Variants in PDE10A observed in about 807,000 individuals in gnomAD.
PDE10A encodes cAMP and cAMP-inhibited cGMP 3',5'-cyclic phosphodiesterase 10A.
A neutral mutation model predicts 97.7 loss-of-function variants in PDE10A; 39 were observed. The ratio of observed to expected loss-of-function variants is 0.40; its 90% CI spans 0.31 to 0.52. The LOEUF is 0.52. Among genes scored for constraint, PDE10A ranks in the 20% least tolerant of loss-of-function variants. The pLI, the probability that PDE10A is intolerant of heterozygous loss-of-function variation, is 0.56. For missense variants in PDE10A, 731 were observed against 1,047.8 expected (o/e 0.70, Z 4.17); for synonymous variants, 371 against 376.8 (o/e 0.98, Z 0.18).
chr6:165,635,229 C>A (rs140811036), intron 1 of PDE10A, among the ~76,000 whole-genome samples: 1 of 152,076 alleles, frequency 6.6e-6, no homozygotes, highest in African/African-American at 2.4e-5. Context: ...GATGATCAGG[C>A]AAGTATGATC....
chr6:165,933,240 AAGG>A (rs1783199041), intron 1 of PDE10A, among the ~76,000 whole-genome samples: 2 of 152,150 alleles, frequency 1.3e-5, no homozygotes, highest in African/African-American at 2.4e-5. Context: ...GGCACCAGGC[AAGG>A]AGGAGAAGGT....
intron 18 of PDE10A, among the ~76,000 whole-genome samples, chr6:165,347,801 C>T (rs2029873060): frequency 1.3e-5 from 2 of 152,176 alleles, no homozygotes; most frequent in African/African-American, 4.8e-5. Flanking sequence ...CTGGAGGCTG[C>T]TGCCACATTT....
At chr6:165,514,644 T>C (rs955800769) in intron 2 of PDE10A, among the ~76,000 whole-genome samples, 8 of 152,218 alleles carry the variant, frequency 5.3e-5, no homozygotes, top group Non-Finnish European at 1.0e-4. Context: ...CGCTAGGTGC[T>C]GGCCCCCGAA....
chr6:165,519,534 G>C (rs1450746954), intron 2 of PDE10A, among the ~76,000 whole-genome samples: 2 of 151,776 alleles, frequency 1.3e-5, no homozygotes, highest in African/African-American at 4.8e-5. Flanking sequence ...GTCCTCCTGT[G>C]TACTGTCATC....
chr6:165,521,447 C>T (rs1428967935), intron 2 of PDE10A, among the ~76,000 whole-genome samples: 1 of 152,184 alleles, frequency 6.6e-6, no homozygotes, highest in Non-Finnish European at 1.5e-5. Flanking sequence ...TGGGACAGGA[C>T]TGAAGCTAGG....
At chr6:165,952,485 A>T (rs1027080824) in intron 1 of PDE10A, among the ~76,000 whole-genome samples, 2 of 152,220 alleles carry the variant, frequency 1.3e-5, no homozygotes, top group African/African-American at 2.4e-5. Context: ...ACACACACAC[A>T]TTTGCAAATT....
At chr6:165,906,673 A>G (rs1264406113) in intron 1 of PDE10A, among the ~76,000 whole-genome samples, 2 of 152,228 alleles carry the variant, frequency 1.3e-5, no homozygotes, top group African/African-American at 4.8e-5. Flanking sequence ...GAATGCACAC[A>G]TGGGGAGGAA....
intron 1 of PDE10A, among the ~76,000 whole-genome samples, chr6:165,875,063 G>A (rs1267218098): frequency 2.0e-5 from 3 of 152,184 alleles, no homozygotes; most frequent in Non-Finnish European, 2.9e-5. Context: ...ACAAAAAGGT[G>A]ATTGAGTGCA....
intron 18 of PDE10A, among the ~76,000 whole-genome samples, chr6:165,371,009 T>A (rs1446015680): frequency 1.5e-5 from 2 of 130,370 alleles, no homozygotes; most frequent in African/African-American, 3.2e-5. Context: ...AAGGCAGAAA[T>A]AAAGATGTTC....
intron 1 of PDE10A, among the ~76,000 whole-genome samples, chr6:165,836,640 C>A (rs1222845550): frequency 6.6e-6 from 1 of 152,186 alleles, no homozygotes; most frequent in Non-Finnish European, 1.5e-5. Flanking sequence ...TCAGTGATAT[C>A]TGGGGACCAA....
chr6:165,607,192 T>C (rs1352284188), intron 1 of PDE10A, among the ~76,000 whole-genome samples: 3 of 152,192 alleles, frequency 2.0e-5, no homozygotes, highest in Non-Finnish European at 2.9e-5. Flanking sequence ...GTCTGCACAA[T>C]GAGCATGTAC....
chr6:165,563,194 A>G (rs1323042156), intron 1 of PDE10A, among the ~76,000 whole-genome samples: 1 of 115,542 alleles, frequency 8.7e-6, no homozygotes, highest in Non-Finnish European at 1.7e-5. Context: ...GGCAGGGGAG[A>G]GGCAAGGGAG....
chr6:165,669,090 A>C (rs1162533623), intron 1 of PDE10A, among the ~76,000 whole-genome samples: 1 of 152,218 alleles, frequency 6.6e-6, no homozygotes, highest in African/African-American at 2.4e-5. Flanking sequence ...CACACAGTCT[A>C]CCCAGTGTCT....
At chr6:165,513,579 T>G (rs533467465) in intron 2 of PDE10A, among the ~76,000 whole-genome samples, 2 of 152,104 alleles carry the variant, frequency 1.3e-5, no homozygotes, top group East Asian at 1.9e-4. Context: ...TAAAAAGACC[T>G]GCGGGGATTT....
intron 3 of PDE10A, among the ~76,000 whole-genome samples, chr6:165,463,918 G>T (rs1366363304): frequency 6.6e-6 from 1 of 152,224 alleles, no homozygotes; most frequent in African/African-American, 2.4e-5. Flanking sequence ...CAGAAAATTA[G>T]CCCAACCTAT....
At chr6:165,909,828 G>T (rs79658660) in intron 1 of PDE10A, among the ~76,000 whole-genome samples, 3 of 151,760 alleles carry the variant, frequency 2.0e-5, no homozygotes, top group Non-Finnish European at 4.4e-5. Context: ...CCCCTCACTC[G>T]CTTCTCTCCT....
chr6:165,628,708 C>A (rs1562642894), intron 1 of PDE10A, among the ~76,000 whole-genome samples: 1 of 152,086 alleles, frequency 6.6e-6, no homozygotes, highest in Non-Finnish European at 1.5e-5. Flanking sequence ...GTCAGAGAGG[C>A]ACACATAATT....
rs555407842 is a variant in PDE10A at position 165,955,469 on chromosome 6, C to T, written c.-615+32060G>A. ...ACACCTTTGCCACCTCCGCTTTAGTCACCATGTAAAGCCTGACATGGGAGC... is the reference window on the plus strand; with the variant it reads ...ACACCTTTGCCACCTCCGCTTTAGTTACCATGTAAAGCCTGACATGGGAGC... On this transcript the variant is annotated intron_variant, in intron 1 of 19. Transcript: ENST00000366882. Among the ~76,000 whole-genome samples, 229 of 152,284 alleles carry T rather than the reference C, an allele frequency of 1.5e-3. 2 individuals are homozygous for T. The highest frequency in any genetic ancestry group is 3.4e-3 in the Middle Eastern group (1 of 294).
chr6:165,907,486 G>A (rs1288734145), intron 1 of PDE10A, among the ~76,000 whole-genome samples: 5 of 152,240 alleles, frequency 3.3e-5, no homozygotes, highest in South Asian at 2.1e-4. Context: ...AGTGGGAGCC[G>A]CACTCTCTCT....
Sources: allele counts gnomAD v4.1 joint callset (sites outside exome capture counted in the v4.1 genomes callset), GRCh38; gene constraint gnomAD v4.1.1; transcripts MANE v1.5; gene names NCBI Gene and HGNC (gene_info 2026-07-23, HGNC 2026-07-21).